Variants in EYS observed in about 807,000 individuals in gnomAD.
EYS encodes protein eyes shut homolog.
EYS carries 250 observed loss-of-function variants against 282.1 expected under a neutral mutation model. That is an observed-to-expected ratio of 0.89 (90% CI 0.80 to 0.98). The LOEUF (loss-of-function observed/expected upper bound fraction) is 0.98. EYS is among the 50% of genes least tolerant of loss of function. EYS has a pLI of 0.00. For synonymous variants in EYS, 1,355 were observed against 1,282.9 expected, an observed-to-expected ratio of 1.06 and a Z score of -1.20; for missense variants, 4,016 against 3,709.0, an observed-to-expected ratio of 1.08 and a Z score of -2.15.
At chr6:65,599,203 T>C (rs1455466760) in intron 2 of EYS, among the ~76,000 whole-genome samples, 3 of 152,076 alleles carry the variant, frequency 2.0e-5, no homozygotes, top group African/African-American at 7.2e-5. Flanking sequence ...AACCCACCTA[T>C]AGTGATGGCC....
chr6:63,780,160 G>A (rs1479738599), intron 39 of EYS, among the ~76,000 whole-genome samples: 1 of 152,162 alleles, frequency 6.6e-6, no homozygotes, highest in African/African-American at 2.4e-5. Context: ...ATGGGCATTT[G>A]GGTTGGTTCC....
chr6:63,796,699 G>C (rs1025875538), intron 37 of EYS, among the ~76,000 whole-genome samples: 15 of 152,138 alleles, frequency 9.9e-5, no homozygotes, highest in Non-Finnish European at 1.9e-4. Context: ...ACATGAGCGT[G>C]TAATCTTGGA....
chr6:64,622,411 A>G (rs1767474237), intron 23 of EYS, among the ~76,000 whole-genome samples: 1 of 152,142 alleles, frequency 6.6e-6, no homozygotes, highest in Admixed American at 6.6e-5. Flanking sequence ...AAAATAAACA[A>G]CATTTACAAT....
intron 12 of EYS, among the ~76,000 whole-genome samples, chr6:65,060,608 G>T (rs1399622679): frequency 6.6e-6 from 1 of 151,746 alleles, no homozygotes; most frequent in East Asian, 1.9e-4. Flanking sequence ...CTGTGATTTT[G>T]CCTGGGAATA....
chr6:65,384,493 A>G lies in EYS; in HGVS notation c.1192T>C (p.Ser398Pro). ...CEKDYPCSCI[S>P]GFTEKNCEKA... ...TCACAGTTTTTTTCAGTAAATCCTG[A>G]TATACAGCTGTAAATACATCAGTGT... Residue 398 changes from serine (S) to proline (P), a missense_variant, in exon 8 of 43, where the codon TCA (serine) becomes CCA (proline). Transcript: ENST00000503581. The G allele has an allele frequency of 6.5e-7, 1 of 1,536,386 alleles. No homozygotes were observed. The highest frequency in any genetic ancestry group is 9.0e-7 in the Non-Finnish European group (1 of 1,112,102).
intron 2 of EYS, among the ~76,000 whole-genome samples, chr6:65,513,950 G>T (rs9342482): frequency 0.2 from 29,689 of 152,066 alleles, 3,606 homozygotes; most frequent in Middle Eastern, 0.32. Context: ...GGGCAATTAG[G>T]CAGGAGAAGG....
At chr6:65,655,593 C>T (rs1018626736) in intron 1 of EYS, among the ~76,000 whole-genome samples, 1 of 151,702 alleles carries the variant, frequency 6.6e-6, no homozygotes, top group Non-Finnish European at 1.5e-5. Flanking sequence ...CATCATGTTC[C>T]TCAACACTTT....
intron 35 of EYS, among the ~76,000 whole-genome samples, chr6:63,978,255 G>T (rs751176921): frequency 6.6e-6 from 1 of 151,912 alleles, no homozygotes; most frequent in Non-Finnish European, 1.5e-5. Flanking sequence ...AGTTCTTACC[G>T]AAAACCTGGT....
At chr6:64,478,926 T>C (rs905494142) in intron 26 of EYS, among the ~76,000 whole-genome samples, 4 of 151,882 alleles carry the variant, frequency 2.6e-5, no homozygotes, top group East Asian at 3.9e-4. Flanking sequence ...TAAAAGAATA[T>C]ACAGTTTATC....
intron 13 of EYS, among the ~76,000 whole-genome samples, chr6:65,019,631 T>C (rs1250803516): frequency 6.6e-6 from 1 of 152,224 alleles, no homozygotes; most frequent in East Asian, 1.9e-4. Flanking sequence ...AAGACATTAA[T>C]ATCATTATCT....
At chr6:65,396,259 A>G (rs186410342) in intron 7 of EYS, among the ~76,000 whole-genome samples, 93 of 152,250 alleles carry the variant, frequency 6.1e-4, no homozygotes, top group African/African-American at 2.0e-3. Context: ...TATGCTCTAT[A>G]CTACCATAAT....
At chr6:65,263,442 A>G (rs1438824169) in intron 12 of EYS, among the ~76,000 whole-genome samples, 1 of 152,138 alleles carries the variant, frequency 6.6e-6, no homozygotes, top group Non-Finnish European at 1.5e-5. Flanking sequence ...CAGTAAAGTA[A>G]TATGATAAAG....
At chr6:63,879,712 C>A (rs1208770947) in intron 35 of EYS, among the ~76,000 whole-genome samples, 2 of 152,088 alleles carry the variant, frequency 1.3e-5, no homozygotes, top group African/African-American at 4.8e-5. Flanking sequence ...AAACTATGTC[C>A]ATGAAGGAAA....
At chr6:64,720,867 G>A (rs867480966) in intron 22 of EYS, among the ~76,000 whole-genome samples, 6 of 152,116 alleles carry the variant, frequency 3.9e-5, no homozygotes, top group Non-Finnish European at 7.4e-5. Context: ...CTCTTTTGGT[G>A]TTTAATTTTC....
intron 9 of EYS, among the ~76,000 whole-genome samples, chr6:65,347,570 T>G (rs1770448408): frequency 6.6e-6 from 1 of 151,556 alleles, no homozygotes; most frequent in African/African-American, 2.4e-5. Flanking sequence ...ATTTTTTTTT[T>G]TTGTTTTTCC....
chr6:64,611,717 C>A (rs540657608), intron 24 of EYS, among the ~76,000 whole-genome samples: 519 of 152,094 alleles, frequency 3.4e-3, no homozygotes, highest in Non-Finnish European at 5.0e-3. Context: ...GTACTCTTTT[C>A]CTTAATTTGA....
intron 1 of EYS, among the ~76,000 whole-genome samples, chr6:65,651,180 C>G (rs1767638788): frequency 6.6e-6 from 1 of 151,832 alleles, no homozygotes; most frequent in Non-Finnish European, 1.5e-5. Flanking sequence ...GAAAGCTACT[C>G]CAAATGGGTG....
intron 29 of EYS, among the ~76,000 whole-genome samples, chr6:64,339,891 C>A (rs597613): frequency 6.6e-6 from 1 of 151,424 alleles, no homozygotes; most frequent in Non-Finnish European, 1.5e-5. Flanking sequence ...ACTTTGGGGA[C>A]CTGGCGAGAA....
chr6:64,098,768 T>G (rs1452545156), intron 31 of EYS, among the ~76,000 whole-genome samples: 3 of 151,842 alleles, frequency 2.0e-5, no homozygotes, highest in African/African-American at 7.3e-5. Context: ...GCCCAGCTAA[T>G]TTTTTGTACT....
Sources: gnomAD v4.1 joint callset for allele counts (sites outside exome capture counted in the v4.1 genomes callset) on GRCh38, gnomAD v4.1.1 for gene constraint, MANE v1.5 for transcripts, NCBI Gene and HGNC (gene_info 2026-07-23, HGNC 2026-07-21) for gene names.